LRP5: variants seen among roughly 807,000 people sequenced by gnomAD.
The protein encoded by LRP5 is low-density lipoprotein receptor-related protein 5.
LRP5 carries 62 observed loss-of-function variants against 154.1 expected under a neutral mutation model. The observed-to-expected ratio is 0.40, with a 90% CI of 0.33 to 0.50. The LOEUF is 0.50. Among genes scored for constraint, LRP5 ranks in the 20% least tolerant of loss-of-function variants. The pLI, the probability that LRP5 is intolerant of heterozygous loss-of-function variation, is 0.55. For synonymous variants in LRP5, 966 were observed against 1,011.5 expected, an observed-to-expected ratio of 0.96 and a Z score of 0.85; for missense variants, 1,915 against 2,336.7, an observed-to-expected ratio of 0.82 and a Z score of 3.72.
chr11:68,409,556 G>C (rs1199222592), intron 9 of LRP5, among the ~76,000 whole-genome samples: 1 of 151,842 alleles, frequency 6.6e-6, no homozygotes, highest in African/African-American at 2.4e-5. Context: ...TACAAAACAC[G>C]CTGGTTCTGG....
intron 12 of LRP5, among the ~76,000 whole-genome samples, chr11:68,415,536 A>T (rs2098662067): frequency 6.6e-6 from 1 of 151,766 alleles, no homozygotes; most frequent in Non-Finnish European, 1.5e-5. Context: ...ACCTGAGGTC[A>T]GGAGTTCAAG....
chr11:68,371,951 C>T (rs2098634240), intron 5 of LRP5, among the ~76,000 whole-genome samples: 1 of 152,204 alleles, frequency 6.6e-6, no homozygotes, highest in African/African-American at 2.4e-5. Context: ...CAGGGATCTC[C>T]TCCAGGCTAT....
intron 21 of LRP5, chr11:68,445,493 G>A (rs2098680903): frequency 1.4e-6 from 1 of 734,394 alleles, no homozygotes; most frequent in Non-Finnish European, 2.1e-6. Context: ...GAAAGGCAGT[G>A]TTCTTGTACC....
At chr11:68,400,312 C>G (rs2098651935) in intron 7 of LRP5, among the ~76,000 whole-genome samples, 1 of 152,130 alleles carries the variant, frequency 6.6e-6, no homozygotes, top group Admixed American at 6.5e-5. Flanking sequence ...TTCAATGAAG[C>G]CAGGGAAATG....
chr11:68,402,940 G>A (rs888336886), intron 7 of LRP5, among the ~76,000 whole-genome samples: 3 of 152,172 alleles, frequency 2.0e-5, no homozygotes, highest in Non-Finnish European at 4.4e-5. Flanking sequence ...AGCTGGGGAC[G>A]TGGCATCCTA....
chr11:68,322,993 G>A (rs2098597596), intron 1 of LRP5, among the ~76,000 whole-genome samples: 1 of 152,222 alleles, frequency 6.6e-6, no homozygotes, highest in Non-Finnish European at 1.5e-5. Context: ...GGCATTTGCA[G>A]CCTTCACTTG....
At chr11:68,428,023 GT>G (rs2098669826) in intron 16 of LRP5, among the ~76,000 whole-genome samples, 1 of 145,586 alleles carries the variant, frequency 6.9e-6, no homozygotes, top group Non-Finnish European at 1.5e-5. Context: ...ATGGAGTTTC[GT>G]TTTTGTCGCC....
chr11:68,367,728 C>T (rs1056888013), intron 5 of LRP5, among the ~76,000 whole-genome samples: 4 of 151,968 alleles, frequency 2.6e-5, no homozygotes, highest in Admixed American at 6.6e-5. Flanking sequence ...GGCCGGGGGA[C>T]GGAGGGGAGA....
At position 68,425,893 on chromosome 11, in the gene LRP5, C is replaced by T; in HGVS notation, c.3428-85C>T. ...GAATCCCCCAGGCTCCCTGGCAGTC[C>T]TGTCAACCTCTGTCCTCCCAAGCTG... On this transcript the variant is annotated intron_variant, in intron 15 of 22. Coordinates refer to ENST00000294304, the MANE Select transcript of LRP5 (RefSeq NM_002335.4). 4 of 1,214,178 alleles carry T rather than the reference C, an allele frequency of 3.3e-6. No homozygotes were observed. The Admixed American group carries it at 6.8e-5, about 21-fold the overall frequency. 75.2% of individuals were successfully genotyped at this position (1,214,178 alleles called of 1,614,324 possible).
In LRP5 at chr11:68,446,452, C is replaced by T; in HGVS notation, c.4505C>T (p.Pro1502Leu). Residue 1502 changes from proline to leucine, a missense_variant, in exon 22 of 23, where the codon CCC becomes CTC. Coordinates refer to ENST00000294304, the MANE Select transcript of LRP5 (RefSeq NM_002335.4). The part of the protein sequence containing the change: ...TLYPPILNPP[P>L]SPATDPSLYN... Reference sequence around the variant, plus strand: ...TCTCCTCAGATCCTGAACCCGCCGCCCTCCCCGGCCACGGACCCCTCCCTG... The same window carrying T: ...TCTCCTCAGATCCTGAACCCGCCGCTCTCCCCGGCCACGGACCCCTCCCTG... The T allele has an allele frequency of 6.2e-7, 1 of 1,613,842 alleles. No homozygotes were observed. The highest frequency in any genetic ancestry group is 1.3e-5 in the African/African-American group (1 of 75,040).
chr11:68,334,823 G>A (rs947191233), intron 1 of LRP5, among the ~76,000 whole-genome samples: 15 of 152,206 alleles, frequency 9.9e-5, no homozygotes, highest in African/African-American at 3.6e-4. Flanking sequence ...TCGAGATCAC[G>A]CCATTTTACT....
chr11:68,362,927 G>A (rs1049128261), intron 3 of LRP5, among the ~76,000 whole-genome samples: 3 of 152,000 alleles, frequency 2.0e-5, no homozygotes, highest in East Asian at 1.9e-4. Context: ...GTCACGGGGC[G>A]AGGGTCATTA....
chr11:68,332,905 C>T (rs1217762185), intron 1 of LRP5, among the ~76,000 whole-genome samples: 1 of 152,122 alleles, frequency 6.6e-6, no homozygotes, highest in African/African-American at 2.4e-5. Context: ...CAGCAAGTAT[C>T]CCACTCCAGC....
intron 4 of LRP5, 119 bp from the exon 5 acceptor site, chr11:68,365,452 G>A: frequency 3.4e-6 from 5 of 1,485,284 alleles, no homozygotes; most frequent in Non-Finnish European, 4.6e-6. Flanking sequence ...TGAGGCCGAT[G>A]TTTGGGCAGA....
In LRP5 at chr11:68,409,063, A is replaced by T. The variant is rs1404573649; in HGVS notation, c.2092-851A>T. On this transcript the variant is annotated intron_variant, in intron 9 of 22. Transcript: ENST00000294304. Reference sequence around the variant, plus strand: ...AGACTTATCTGGGGAAAAAAAAAAAAAAAAAAAAAAATATATATATATATA... The same window carrying T: ...AGACTTATCTGGGGAAAAAAAAAAATAAAAAAAAAAATATATATATATATA... Among the ~76,000 whole-genome samples the T allele has an allele frequency of 1.5e-3, 41 of 26,970 alleles. 1 individual carries two copies. Among genetic ancestry groups the T allele is most frequent in the African/African-American group, 4.0e-3 (29 of 7,176 alleles). The allele number at this position is 26,970 out of a possible 152,430, so 17.7% of individuals were successfully genotyped here.
chr11:68,422,474 C>A (rs1406034433), intron 13 of LRP5, among the ~76,000 whole-genome samples: 3 of 152,182 alleles, frequency 2.0e-5, no homozygotes, highest in African/African-American at 7.2e-5. Flanking sequence ...GAACCAGATC[C>A]CCGCAGGCAG....
In LRP5 at chr11:68,367,102, C is replaced by T. The variant is rs1431368717; in HGVS notation, c.1015+1400C>T. Among the ~76,000 whole-genome samples, 3 of 152,290 alleles carry T rather than the reference C, an allele frequency of 2.0e-5. No homozygotes were observed. The East Asian group carries it at 5.8e-4, about 29-fold the overall frequency. On this transcript the variant is annotated intron_variant, in intron 5 of 22. Transcript: ENST00000294304. ...CCGCTCCTCCATCACCTCTGGGGCC[C>T]TTCGCTGTTGACCGTTCACCTCGGC...
At chr11:68,315,019 C>A (rs909052040) in intron 1 of LRP5, among the ~76,000 whole-genome samples, 1 of 152,148 alleles carries the variant, frequency 6.6e-6, no homozygotes, top group Non-Finnish European at 1.5e-5. Flanking sequence ...CTCACACACA[C>A]GGGTGGGGGA....
intron 2 of LRP5, among the ~76,000 whole-genome samples, chr11:68,356,939 CT>C (rs1206842769): frequency 0.035 from 5,001 of 141,802 alleles, 260 homozygotes; most frequent in African/African-American, 0.12. Context: ...CTTTTCTTTT[CT>C]TTTTTTTTTT....
Sources: gnomAD v4.1 joint callset for allele counts (sites outside exome capture counted in the v4.1 genomes callset) on GRCh38, gnomAD v4.1.1 for gene constraint, MANE v1.5 for transcripts, NCBI Gene and HGNC (gene_info 2026-07-23, HGNC 2026-07-21) for gene names.